The following LRFN5 variants were observed in gnomAD, a reference collection of about 807,000 sequenced individuals.
LRFN5 encodes leucine rich repeat and fibronectin type III domain containing 5.
Under a neutral mutation model 45.6 loss-of-function variants are expected in LRFN5, and 24 were observed. The ratio of observed to expected loss-of-function variants is 0.53; its 90% CI spans 0.38 to 0.74. LRFN5 has a LOEUF of 0.74. LRFN5 is among the 30% of genes least tolerant of loss of function. LRFN5 has a pLI of 0.00. For synonymous variants in LRFN5, 340 were observed against 313.8 expected (o/e 1.08, Z -0.88); for missense variants, 776 against 861.5 (o/e 0.90, Z 1.24).
intron 1 of LRFN5, among the ~76,000 whole-genome samples, chr14:41,627,303 A>G (rs1431607420): frequency 3.9e-5 from 6 of 152,130 alleles, no homozygotes. Flanking sequence ...GTCACACACC[A>G]TTCCACCTCT....
chr14:41,816,350 A>T (rs898349574), intron 2 of LRFN5, among the ~76,000 whole-genome samples: 23 of 152,190 alleles, frequency 1.5e-4, no homozygotes, highest in African/African-American at 5.1e-4. Flanking sequence ...AAAAATTAAA[A>T]TTTTTATTTT....
intron 1 of LRFN5, among the ~76,000 whole-genome samples, chr14:41,713,839 C>A (rs547729095): frequency 3.9e-5 from 6 of 151,992 alleles, no homozygotes; most frequent in Non-Finnish European, 8.8e-5. Flanking sequence ...GTGTTCATGC[C>A]TTATAACTTC....
intron 1 of LRFN5, among the ~76,000 whole-genome samples, chr14:41,735,940 C>CT (rs1453946613): frequency 7.2e-5 from 11 of 152,194 alleles, no homozygotes; most frequent in South Asian, 2.1e-4. Context: ...TGAATTCATT[C>CT]TTTTTTATGG....
intron 1 of LRFN5, among the ~76,000 whole-genome samples, chr14:41,758,348 T>G (rs192372692): frequency 2.4e-4 from 37 of 152,344 alleles, no homozygotes; most frequent in African/African-American, 8.7e-4. Flanking sequence ...CCATTAAGGA[T>G]CATAGAGACA....
chr14:41,674,012 G>C (rs1215461229), intron 1 of LRFN5, among the ~76,000 whole-genome samples: 1 of 146,988 alleles, frequency 6.8e-6, no homozygotes, highest in African/African-American at 2.5e-5. Context: ...CTTCCCAGAC[G>C]CGGTGGCTGC....
At chr14:41,750,906 T>G (rs949701995) in intron 1 of LRFN5, among the ~76,000 whole-genome samples, 3 of 152,120 alleles carry the variant, frequency 2.0e-5, no homozygotes, top group African/African-American at 7.2e-5. Context: ...ACGTGCCATG[T>G]TGGTTTGCTG....
intron 1 of LRFN5, among the ~76,000 whole-genome samples, chr14:41,640,523 G>A (rs1879528144): frequency 6.6e-6 from 1 of 152,002 alleles, no homozygotes; most frequent in African/African-American, 2.4e-5. Flanking sequence ...TTATATCTTT[G>A]AAGGAGAAAT....
intron 1 of LRFN5, among the ~76,000 whole-genome samples, chr14:41,704,766 T>C (rs1882995596): frequency 1.3e-5 from 2 of 152,130 alleles, no homozygotes; most frequent in African/African-American, 4.8e-5. Flanking sequence ...TTATCGTTCC[T>C]TAGTTGTATA....
At chr14:41,699,841 T>A (rs1882765909) in intron 1 of LRFN5, 1 of 151,834 alleles carries the variant, frequency 6.6e-6, no homozygotes, top group Non-Finnish European at 1.5e-5. Context: ...AACATTAGAG[T>A]TGGAAGTAAA....
chr14:41,852,494 T>C (rs992310761), intron 2 of LRFN5, among the ~76,000 whole-genome samples: 1 of 151,974 alleles, frequency 6.6e-6, no homozygotes, highest in Non-Finnish European at 1.5e-5. Context: ...AACATCAAAA[T>C]ATCTAAAGCT....
chr14:41,869,099 A>G lies in LRFN5; in HGVS notation c.-20-17507A>G, dbSNP rs1333503393. On this transcript the variant is annotated intron_variant, in intron 2 of 5. Transcript: ENST00000298119. ...TGTCAACATTATGCTTACAAGCAAC[A>G]TGTTACTGCTGGAGTGGTAGTTATT... Among the ~76,000 whole-genome samples the G allele has an allele frequency of 7.9e-5, 12 of 152,142 alleles. No homozygotes were observed. In the East Asian group the frequency reaches 1.9e-3, roughly 24 times the overall value.
intron 1 of LRFN5, among the ~76,000 whole-genome samples, chr14:41,760,434 G>T (rs1174196752): frequency 6.6e-6 from 1 of 152,036 alleles, no homozygotes. Context: ...TGTATTACTT[G>T]TATTATGAAT....
intron 2 of LRFN5, among the ~76,000 whole-genome samples, chr14:41,809,639 T>A (rs898312821): frequency 1.3e-5 from 2 of 151,750 alleles, no homozygotes; most frequent in African/African-American, 2.4e-5. Flanking sequence ...CTTTGTCTAA[T>A]ATTTTAAATA....
intron 2 of LRFN5, among the ~76,000 whole-genome samples, chr14:41,796,006 C>A (rs1887115668): frequency 6.6e-6 from 1 of 151,662 alleles, no homozygotes; most frequent in Non-Finnish European, 1.5e-5. Flanking sequence ...TAGTAATGGG[C>A]ATATTACAAA....
At chr14:41,790,129 C>G (rs896674883) in intron 2 of LRFN5, among the ~76,000 whole-genome samples, 2 of 151,900 alleles carry the variant, frequency 1.3e-5, no homozygotes, top group African/African-American at 4.8e-5. Context: ...GATTAAAGGA[C>G]TATTCAGGTT....
chr14:41,757,253 G>A (rs1274494817), intron 1 of LRFN5, among the ~76,000 whole-genome samples: 8 of 152,262 alleles, frequency 5.3e-5, no homozygotes, highest in Non-Finnish European at 8.8e-5. Context: ...CTCCAGCTGC[G>A]TGCTGGGAGA....
At chr14:41,875,115 A>G (rs544402836) in intron 2 of LRFN5, among the ~76,000 whole-genome samples, 10 of 152,328 alleles carry the variant, frequency 6.6e-5, no homozygotes, top group Admixed American at 3.9e-4. Flanking sequence ...CCCCAGATTA[A>G]TTGTACTTAT....
chr14:41,701,308 C>T (rs1254803481), intron 1 of LRFN5: 1 of 152,168 alleles, frequency 6.6e-6, no homozygotes, highest in Non-Finnish European at 1.5e-5. Flanking sequence ...GCTGTACATA[C>T]ATTATTTTTT....
intron 2 of LRFN5, among the ~76,000 whole-genome samples, chr14:41,809,835 C>G (rs1313759717): frequency 6.6e-6 from 1 of 151,642 alleles, no homozygotes; most frequent in Non-Finnish European, 1.5e-5. Flanking sequence ...TCTAAAAATA[C>G]TGTACACTCC....
Sources: allele counts gnomAD v4.1 joint callset (sites outside exome capture counted in the v4.1 genomes callset), GRCh38; gene constraint gnomAD v4.1.1; transcripts MANE v1.5; gene names NCBI Gene and HGNC (gene_info 2026-07-23, HGNC 2026-07-21).